Variants in ASTN1 observed in about 807,000 individuals in gnomAD.
The protein encoded by ASTN1 is astrotactin-1.
A neutral mutation model predicts 140.7 loss-of-function variants in ASTN1; 41 were observed. That is an observed-to-expected ratio of 0.29 (90% CI 0.23 to 0.38). ASTN1 has a LOEUF of 0.38. Among genes scored for constraint, ASTN1 ranks in the 10% least tolerant of loss-of-function variants. The pLI, the probability that ASTN1 is intolerant of heterozygous loss-of-function variation, is 1.00. For synonymous variants in ASTN1, 640 were observed against 652.2 expected (o/e 0.98, Z 0.29); for missense variants, 1,479 against 1,678.8 (o/e 0.88, Z 2.08).
At chr1:176,987,492 C>T (rs562148084) in intron 8 of ASTN1, among the ~76,000 whole-genome samples, 1 of 152,278 alleles carries the variant, frequency 6.6e-6, no homozygotes, top group African/African-American at 2.4e-5. Flanking sequence ...CTTCCCATTT[C>T]CTACTAGGTA....
At chr1:176,878,550 A>G (rs1251143767) in intron 20 of ASTN1, among the ~76,000 whole-genome samples, 1 of 151,758 alleles carries the variant, frequency 6.6e-6, no homozygotes, top group African/African-American at 2.4e-5. Flanking sequence ...CTGATGTTTC[A>G]TCAGCTTCTG....
intron 8 of ASTN1, among the ~76,000 whole-genome samples, chr1:176,974,096 CTTCCA>C (rs1673258481): frequency 6.6e-6 from 1 of 152,150 alleles, no homozygotes; most frequent in Admixed American, 6.5e-5. Flanking sequence ...TTTTGGGTAA[CTTCCA>C]TTCTATATTT....
Position 176,946,063 on chromosome 1 carries a change from C to G in ASTN1, c.2112G>C (p.Glu704Asp). The change falls in exon 13 of 23, where the codon GAG (glutamate) becomes GAC (aspartate). Residue 704 changes from glutamate to aspartate, a missense_variant. Glu to Asp is a conservative substitution (Grantham distance 45). Coordinates refer to ENST00000361833, the MANE Select transcript of ASTN1 (RefSeq NM_004319.3). ...VDGRSCQLITETCPEGSDCGE... is the reference protein window; with the variant it reads ...VDGRSCQLITDTCPEGSDCGE... ...CACAGTCACTTCCCTCTGGACAGGT[C>G]TCCGTGATGAGTTGGCAAGAGCGTC... The G allele has an allele frequency of 1.2e-6, 2 of 1,613,948 alleles. No homozygotes were observed. Among genetic ancestry groups the G allele is most frequent in the Non-Finnish European group, 1.7e-6 (2 of 1,179,886 alleles).
intron 1 of ASTN1, among the ~76,000 whole-genome samples, chr1:177,147,033 A>T (rs1682748001): frequency 6.6e-6 from 1 of 151,946 alleles, no homozygotes; most frequent in African/African-American, 2.4e-5. Flanking sequence ...ATGAAACTGG[A>T]TTTTTTTAAA....
intron 20 of ASTN1, among the ~76,000 whole-genome samples, chr1:176,882,401 C>A (rs1358157483): frequency 6.6e-6 from 1 of 152,194 alleles, no homozygotes; most frequent in Non-Finnish European, 1.5e-5. Context: ...TTGCTACTCA[C>A]CTTCATGCTT....
chr1:177,020,239 G>T (rs759798055), intron 7 of ASTN1, among the ~76,000 whole-genome samples: 4 of 152,142 alleles, frequency 2.6e-5, no homozygotes, highest in Non-Finnish European at 4.4e-5. Context: ...TACAGTAAAA[G>T]CATACCACAA....
At chr1:176,896,927 G>A (rs898739042) in intron 16 of ASTN1, among the ~76,000 whole-genome samples, 1 of 152,032 alleles carries the variant, frequency 6.6e-6, no homozygotes, top group African/African-American at 2.4e-5. Context: ...ATGGAAAAGG[G>A]CTCAAGCATT....
At chr1:177,127,327 A>G (rs528912184) in intron 1 of ASTN1, among the ~76,000 whole-genome samples, 24 of 152,338 alleles carry the variant, frequency 1.6e-4, no homozygotes, top group Non-Finnish European at 2.4e-4. Context: ...AAAAATTTGA[A>G]GTAGTGGTTT....
intron 16 of ASTN1, among the ~76,000 whole-genome samples, chr1:176,900,647 G>A (rs1669729414): frequency 6.6e-6 from 1 of 152,150 alleles, no homozygotes; most frequent in Admixed American, 6.5e-5. Context: ...AATTTGGGGT[G>A]AATTTCTTAA....
intron 2 of ASTN1, among the ~76,000 whole-genome samples, chr1:177,039,945 C>T (rs893858257): frequency 2.0e-5 from 3 of 152,186 alleles, no homozygotes; most frequent in African/African-American, 4.8e-5. Flanking sequence ...CAAGCAGATC[C>T]GCTCTTCCCC....
Position 176,862,647 on chromosome 1 carries a change from T to C in ASTN1, c.*1637A>G. On this transcript the variant is annotated 3_prime_UTR_variant, in exon 23 of 23. Coordinates refer to ENST00000361833, the MANE Select transcript of ASTN1 (RefSeq NM_004319.3). The stretch of plus-strand genomic sequence containing the variant: ...CACTGAAACTCAGTGTGAGTTACAG[T>C]GCACAAGGGATTTGAGGCAAGTTGT... 3 of 953,028 alleles carry C rather than the reference T, an allele frequency of 3.1e-6. No individual in the cohort carries two copies. The highest frequency in any genetic ancestry group is 3.7e-6 in the Non-Finnish European group (3 of 800,614). 59.0% of individuals were successfully genotyped at this position (953,028 alleles called of 1,614,324 possible).
At chr1:177,075,840 C>G (rs1267017876) in intron 1 of ASTN1, among the ~76,000 whole-genome samples, 2 of 151,754 alleles carry the variant, frequency 1.3e-5, no homozygotes, top group Non-Finnish European at 2.9e-5. Context: ...CAGGGTCTTG[C>G]TATGTTGCCC....
At chr1:177,020,733 A>C (rs1675781348) in intron 7 of ASTN1, among the ~76,000 whole-genome samples, 1 of 152,198 alleles carries the variant, frequency 6.6e-6, no homozygotes, top group South Asian at 2.1e-4. Flanking sequence ...TGGTGTTCTG[A>C]AGCATGGTGC....
At position 176,867,993 on chromosome 1, in the gene ASTN1, C is replaced by T. The variant is rs143135147; in HGVS notation, c.3647+851G>A. On this transcript the variant is annotated intron_variant, in intron 22 of 22. Transcript: ENST00000361833. ...TTCCTTTTAAATTTTTTCCTTCCTT[C>T]TTCATTTTCTTTCTCATTCATTCTT... is the stretch of plus-strand genomic sequence containing the variant. Among the ~76,000 whole-genome samples the T allele has an allele frequency of 5.4e-3, 818 of 150,894 alleles. 3 individuals are homozygous for T. Among genetic ancestry groups the T allele is most frequent in the Non-Finnish European group, 8.7e-3 (590 of 67,710 alleles).
intron 1 of ASTN1, among the ~76,000 whole-genome samples, chr1:177,155,753 G>T (rs935287609): frequency 6.6e-6 from 1 of 152,196 alleles, no homozygotes; most frequent in East Asian, 1.9e-4. Context: ...ATGATAATTA[G>T]ATAATGGATT....
intron 1 of ASTN1, among the ~76,000 whole-genome samples, chr1:177,105,401 C>G (rs1314748214): frequency 6.6e-6 from 1 of 152,078 alleles, no homozygotes. Flanking sequence ...TTTCCCTCAC[C>G]TTAACATCTT....
chr1:177,047,851 A>G lies in ASTN1; in HGVS notation c.471+13227T>C, dbSNP rs1051657025. Among the ~76,000 whole-genome samples, 5 of 152,336 alleles carry G rather than the reference A, an allele frequency of 3.3e-5. No homozygotes were observed. The East Asian group carries it at 9.7e-4, about 29-fold the overall frequency. Reference sequence around the variant, plus strand: ...AGAATGAATGGGAAGACTGAAATCCATCTGTCCCTAAATAATGAAAATGCG... The same window carrying G: ...AGAATGAATGGGAAGACTGAAATCCGTCTGTCCCTAAATAATGAAAATGCG... On this transcript the variant is annotated intron_variant, in intron 2 of 22. Coordinates refer to ENST00000361833, the MANE Select transcript of ASTN1 (RefSeq NM_004319.3).
rs193108041 is a variant in ASTN1, at chr1:177,141,098, C to A, written c.283+23296G>T. On this transcript the variant is annotated intron_variant, in intron 1 of 22. Transcript: ENST00000361833. The stretch of plus-strand genomic sequence containing the variant: ...GGACGTGGTGGCAGGCACCCGTAAT[C>A]CCAGCTACTCGGGAGGCTGAGGCAG... Among the ~76,000 whole-genome samples the A allele has an allele frequency of 7.9e-5, 12 of 152,252 alleles. No individual in the cohort carries two copies. The East Asian group carries it at 2.1e-3, about 27-fold the overall frequency.
At chr1:176,968,786 C>G (rs756059309) in intron 8 of ASTN1, among the ~76,000 whole-genome samples, 1 of 152,168 alleles carries the variant, frequency 6.6e-6, no homozygotes, top group Non-Finnish European at 1.5e-5. Flanking sequence ...TCAAAGGAAT[C>G]TAAGGTCTTT....
Sources: allele counts gnomAD v4.1 joint callset (sites outside exome capture counted in the v4.1 genomes callset), GRCh38; gene constraint gnomAD v4.1.1; transcripts MANE v1.5; gene names NCBI Gene and HGNC (gene_info 2026-07-23, HGNC 2026-07-21).